Variants in KCNQ1 observed in about 807,000 individuals in gnomAD.
The protein encoded by KCNQ1 is potassium voltage-gated channel subfamily KQT member 1.
Under a neutral mutation model 72.4 loss-of-function variants are expected in KCNQ1, and 49 were observed. The observed-to-expected ratio is 0.68, with a 90% CI of 0.54 to 0.86. The LOEUF (loss-of-function observed/expected upper bound fraction) is 0.86. KCNQ1 is among the 40% of genes least tolerant of loss of function. The pLI, the probability that KCNQ1 is intolerant of heterozygous loss-of-function variation, is 0.00. For synonymous variants in KCNQ1, 450 were observed against 412.6 expected, an observed-to-expected ratio of 1.09 and a Z score of -1.10; for missense variants, 790 against 945.1, an observed-to-expected ratio of 0.84 and a Z score of 2.15.
Position 2,581,745 on chromosome 11 carries a change from G to A in KCNQ1, c.922-1690G>A, listed in dbSNP as rs555021305. On this transcript the variant is annotated intron_variant, in intron 6 of 15. Coordinates refer to ENST00000155840, the MANE Select transcript of KCNQ1 (RefSeq NM_000218.3). ...TGTGTGTGTGCACAAGCACAGACAC[G>A]TGCACGTGTGGAGCATCCCATCTCT... 5.9e-5 allele frequency among the ~76,000 whole-genome samples: 9 copies of A among 152,270 alleles called. 1 individual carries two copies. The highest frequency in any genetic ancestry group is 1.3e-4 in the Non-Finnish European group (9 of 68,048).
At chr11:2,732,321 C>T (rs1183219276) in intron 11 of KCNQ1, among the ~76,000 whole-genome samples, 8 of 152,288 alleles carry the variant, frequency 5.3e-5, no homozygotes, top group Non-Finnish European at 1.0e-4. Flanking sequence ...CAAGCTGCCC[C>T]GTGGGCACTG....
chr11:2,563,985 G>A lies in KCNQ1; in HGVS notation c.478-6643G>A, dbSNP rs1462060524. On this transcript the variant is annotated intron_variant, in intron 2 of 15. Transcript: ENST00000155840. This position sits in a 1 kb window ranked among gnomAD's most constrained non-coding sequence, Gnocchi z 7.4. ...CGGCAGATACTCGGGGCCGCTGGGT[G>A]GCCCTGAAGGCCCACAGAATCCTTT... Among the ~76,000 whole-genome samples, 1 of 152,206 alleles carries A rather than the reference G, an allele frequency of 6.6e-6. No individual in the cohort carries two copies. The highest frequency in any genetic ancestry group is 1.5e-5 in the Non-Finnish European group (1 of 68,038).
intron 11 of KCNQ1, among the ~76,000 whole-genome samples, chr11:2,733,773 TCC>T (rs201682244): frequency 0.05 from 2,861 of 57,580 alleles, 68 homozygotes; most frequent in South Asian, 0.067. Context: ...CTTCAGGCCT[TCC>T]ACACACACAC....
chr11:2,543,171 T>A lies in KCNQ1; in HGVS notation c.477+15153T>A, dbSNP rs1274556131. Among the ~76,000 whole-genome samples, 1 of 152,262 alleles carries A rather than the reference T, an allele frequency of 6.6e-6. No homozygotes were observed. The highest frequency in any genetic ancestry group is 1.9e-4 in the East Asian group (1 of 5,208). ...TCACCCATTGTAAAATTGGGCTGTT[T>A]GTCATCTGAGTTGTAAAAGTTCTTT... On this transcript the variant is annotated intron_variant, in intron 2 of 15. Transcript: ENST00000155840. This position sits in a 1 kb window ranked among gnomAD's most constrained non-coding sequence, Gnocchi z 5.6.
rs560664632 is a variant in KCNQ1, at chr11:2,802,665, G to A, written c.1794+24628G>A. ...AGGCCCAGCAGATGCTCATTCTCCC[G>A]GTCAAACCCCTAGATGACACTCACT... On this transcript the variant is annotated intron_variant, in intron 15 of 15. Coordinates refer to ENST00000155840, the MANE Select transcript of KCNQ1 (RefSeq NM_000218.3). Among the ~76,000 whole-genome samples, 328 of 152,230 alleles carry A rather than the reference G, an allele frequency of 2.2e-3. 1 individual carries two copies. Among genetic ancestry groups the A allele is most frequent in the African/African-American group, 7.2e-3 (300 of 41,518 alleles).
rs1846045846 is a variant in KCNQ1, at chr11:2,446,781, A to AG, written c.386+1298dup. Among the ~76,000 whole-genome samples, 1 of 152,126 alleles carries AG rather than the reference A, an allele frequency of 6.6e-6. No homozygotes were observed. Among genetic ancestry groups the AG allele is most frequent in the African/African-American group, 2.4e-5 (1 of 41,428 alleles). ...CCAAGCCCCTGTCTCCTGACATGTCAGTGGGTGCCTGAGCCACAGCCGCTG... is the reference window on the plus strand; with the variant it reads ...CCAAGCCCCTGTCTCCTGACATGTCAGGTGGGTGCCTGAGCCACAGCCGCTG... On this transcript the variant is annotated intron_variant, in intron 1 of 15. Coordinates refer to ENST00000155840, the MANE Select transcript of KCNQ1 (RefSeq NM_000218.3). The surrounding 1 kb of genome is among the most constrained non-coding windows in gnomAD (Gnocchi z 8.8).
At chr11:2,751,424 G>T (rs567551635) in intron 11 of KCNQ1, among the ~76,000 whole-genome samples, 1 of 152,240 alleles carries the variant, frequency 6.6e-6, no homozygotes, top group South Asian at 2.1e-4. Flanking sequence ...CTGAGCAGCT[G>T]CCCAAAGTGA....
chr11:2,811,349 C>T (rs1251553199), intron 15 of KCNQ1, among the ~76,000 whole-genome samples: 2 of 152,248 alleles, frequency 1.3e-5, no homozygotes, highest in Non-Finnish European at 2.9e-5. Context: ...AACACAGCTC[C>T]TCCACCCTTA....
At position 2,448,069 on chromosome 11, in the gene KCNQ1, G is replaced by A. The variant is rs540727974; in HGVS notation, c.386+2585G>A. Among the ~76,000 whole-genome samples, 96 of 152,336 alleles carry A rather than the reference G, an allele frequency of 6.3e-4. 1 individual carries two copies. Among genetic ancestry groups the A allele is most frequent in the African/African-American group, 1.9e-3 (81 of 41,570 alleles). On this transcript the variant is annotated intron_variant, in intron 1 of 15. Coordinates refer to ENST00000155840, the MANE Select transcript of KCNQ1 (RefSeq NM_000218.3). ...CTGTGGTTGCTTGCGCCCCCACTGG[G>A]GGCAGCTCCCATCTTAGCTGAGGGG...
chr11:2,584,381 G>C (rs943790206), intron 7 of KCNQ1, among the ~76,000 whole-genome samples: 1 of 151,540 alleles, frequency 6.6e-6, no homozygotes, highest in African/African-American at 2.4e-5. Flanking sequence ...TAGTGTGTTT[G>C]TGTGTTAGTG....
chr11:2,662,134 G>A, intron 11 of KCNQ1, 53 bp downstream of exon 11: 2 of 1,611,776 alleles, frequency 1.2e-6, no homozygotes, highest in Non-Finnish European at 1.7e-6. Context: ...TGGAGCTCAA[G>A]GAGTCAGACT....
At chr11:2,506,340 A>G (rs1264509834) in intron 1 of KCNQ1, among the ~76,000 whole-genome samples, 3 of 152,210 alleles carry the variant, frequency 2.0e-5, no homozygotes, top group Non-Finnish European at 4.4e-5. Flanking sequence ...TTCTCACGTA[A>G]TAGTATTTCC....
At chr11:2,569,905 A>G (rs1487110588) in intron 2 of KCNQ1, among the ~76,000 whole-genome samples, 2 of 152,120 alleles carry the variant, frequency 1.3e-5, no homozygotes, top group Non-Finnish European at 2.9e-5. Flanking sequence ...CCACTCCTCC[A>G]GGAACCTCCG....
At chr11:2,700,121 C>A (rs1430541071) in intron 11 of KCNQ1, 1 of 397,346 alleles carries the variant, frequency 2.5e-6, no homozygotes, top group Non-Finnish European at 4.4e-6. Flanking sequence ...TGGCTGGGTG[C>A]GGAAAGTGAT....
rs369462688 is a variant in KCNQ1 at position 2,803,521 on chromosome 11, G to A, written c.1794+25484G>A. Among the ~76,000 whole-genome samples the A allele has an allele frequency of 1.3e-5, 2 of 152,206 alleles. No individual in the cohort carries two copies. Among genetic ancestry groups the A allele is most frequent in the East Asian group, 1.9e-4 (1 of 5,170 alleles). On this transcript the variant is annotated intron_variant, in intron 15 of 15. Transcript: ENST00000155840. The surrounding 1 kb of genome is among the most constrained non-coding windows in gnomAD (Gnocchi z 6.4). ...CAGGAGCCAGTTGTTCCCAAACCTC[G>A]CCCTTTCTCCCTGCAGGCACTGGCA...
rs1850383948 is a variant in KCNQ1, at chr11:2,680,769, C to T, written c.1514+18688C>T. The stretch of plus-strand genomic sequence containing the variant: ...AGCCCCTGACAACTACTAACCTATT[C>T]TTCATTTCTTTATCATTCCAAGAAA... On this transcript the variant is annotated intron_variant, in intron 11 of 15. Transcript: ENST00000155840. 3.1e-5 allele frequency: 5 copies of T among 163,414 alleles called. No homozygotes were observed. In the South Asian group the frequency reaches 8.5e-4, roughly 28 times the overall value. The allele number at this position is 163,414 out of a possible 1,614,324, so 10.1% of individuals were successfully genotyped here.
chr11:2,611,561 G>A lies in KCNQ1; in HGVS notation c.1393+22707G>A, dbSNP rs908880388. On this transcript the variant is annotated intron_variant, in intron 10 of 15. Coordinates refer to ENST00000155840, the MANE Select transcript of KCNQ1 (RefSeq NM_000218.3). This position sits in a 1 kb window ranked among gnomAD's most constrained non-coding sequence, Gnocchi z 5.3. ...CACTCTAGCTTTCTTATTACTGTTT[G>A]CATGTCATCTTTTTCCATCATTTTA... The A allele has an allele frequency of 1.5e-5, 6 of 398,328 alleles. No individual in the cohort carries two copies. The highest frequency in any genetic ancestry group is 2.7e-5 in the Non-Finnish European group (6 of 226,052). The allele number at this position is 398,328 out of a possible 1,614,324, so 24.7% of individuals were successfully genotyped here.
chr11:2,616,491 G>A, intron 10 of KCNQ1: 2 of 397,456 alleles, frequency 5.0e-6, no homozygotes, highest in Non-Finnish European at 8.9e-6. Flanking sequence ...ATTAGGTTAT[G>A]GATCCTTCTT....
At chr11:2,699,529 T>G (rs1850741152) in intron 11 of KCNQ1, 3 of 273,124 alleles carry the variant, frequency 1.1e-5, no homozygotes, top group South Asian at 2.4e-4. Context: ...AGTGCCGCGC[T>G]GAGGAGGCCC....
Sources: allele counts gnomAD v4.1 joint callset (sites outside exome capture counted in the v4.1 genomes callset), GRCh38; gene constraint gnomAD v4.1.1; non-coding constraint Gnocchi (gnomAD v3.1); transcripts MANE v1.5; gene names NCBI Gene and HGNC (gene_info 2026-07-23, HGNC 2026-07-21).